ATRX: variants seen among roughly 807,000 people sequenced by gnomAD.
The protein encoded by ATRX is chromatin remodeler ATRX.
In ATRX, 12 loss-of-function variants were observed where a neutral mutation model predicts 172.6. The observed-to-expected ratio is 0.07, with a 90% CI of 0.04 to 0.11. ATRX has a LOEUF of 0.11. ATRX is among the 10% of genes least tolerant of loss of function. The pLI is 1.00. For missense variants in ATRX, 1,368 were observed against 1,767.4 expected, an observed-to-expected ratio of 0.77 and a Z score of 4.05; for synonymous variants, 674 against 594.7, an observed-to-expected ratio of 1.13 and a Z score of -1.94.
At chrX:77,688,739 A>C in intron 7 of ATRX, 79 bp downstream of exon 7, 3 of 819,856 alleles carry the variant, frequency 3.7e-6, no homozygotes, top group Non-Finnish European at 5.5e-6. Context: ...TCTTTCTTCA[A>C]GACTGTGCCC....
At chrX:77,671,611 C>T (rs1423634527) in intron 10 of ATRX, among the ~76,000 whole-genome samples, 1 of 109,624 alleles carries the variant, frequency 9.1e-6, no homozygotes, top group African/African-American at 3.3e-5. Flanking sequence ...ATAACTAGTT[C>T]AATATTTTTA....
intron 9 of ATRX, 101 bp downstream of exon 9, chrX:77,681,416 TAAG>T (rs2071183375): frequency 1.2e-6 from 1 of 848,002 alleles, no homozygotes; most frequent in African/African-American, 2.0e-5. Context: ...GGTATTCTCC[TAAG>T]TAGTAACCCT....
chrX:77,519,214 A>ACCC (rs2063148601), intron 34 of ATRX, among the ~76,000 whole-genome samples: 1 of 111,827 alleles, frequency 8.9e-6, no homozygotes, highest in Non-Finnish European at 1.9e-5. Context: ...CGAAGAGACA[A>ACCC]CCCACAGAAT....
intron 18 of ATRX, 64 bp downstream of exon 18, chrX:77,633,502 A>C: frequency 1.8e-6 from 2 of 1,124,666 alleles, no homozygotes; most frequent in Non-Finnish European, 1.2e-6. Context: ...AAAAATTAAA[A>C]ATAGTTTACT....
chrX:77,562,123 T>C (rs1557062341), intron 28 of ATRX, among the ~76,000 whole-genome samples: 1 of 112,113 alleles, frequency 8.9e-6, no homozygotes, highest in African/African-American at 3.2e-5. Context: ...TAGCATGAGA[T>C]CCATATAAGT....
At chrX:77,652,827 C>T (rs1488690069) in intron 14 of ATRX, among the ~76,000 whole-genome samples, 1 of 106,069 alleles carries the variant, frequency 9.4e-6, no homozygotes, top group Non-Finnish European at 1.9e-5. Flanking sequence ...AACAACTCTT[C>T]AACACCTATT....
chrX:77,514,031 C>T (rs1557037961), intron 34 of ATRX, among the ~76,000 whole-genome samples: 2 of 111,012 alleles, frequency 1.8e-5, no homozygotes, highest in Non-Finnish European at 3.8e-5. Context: ...GAATAAAATA[C>T]CTAGGAATAC....
intron 27 of ATRX, among the ~76,000 whole-genome samples, chrX:77,575,082 TCATA>T (rs1557069653): frequency 9.0e-6 from 1 of 110,897 alleles, no homozygotes; most frequent in Admixed American, 9.7e-5. Context: ...TTATATTTTA[TCATA>T]CATAATTTCT....
rs587778082 is a variant in ATRX at position 77,698,574 on chromosome X, C to T, written c.189G>A (p.Glu63=). Residue 63 remains glutamate (E), a splice_region_variant and synonymous_variant, in exon 3 of 35, where the codon GAG becomes GAA. Transcript: ENST00000373344. ...NSDMMENSKE[E]GTSSSEKSKS... is the part of the protein sequence containing the mutation. ...AATATCTCTAAATAATTATCCTTAC[C>T]TCTTCCTTGCTGTTTTCCATCATAT... 131 of 1,200,708 alleles carry T rather than the reference C, an allele frequency of 1.1e-4. No homozygotes were observed. The highest frequency in any genetic ancestry group is 1.4e-4 in the Non-Finnish European group (125 of 887,110).
At chrX:77,605,252 C>A (rs1448790235) in intron 22 of ATRX, among the ~76,000 whole-genome samples, 1 of 111,074 alleles carries the variant, frequency 9.0e-6, no homozygotes. Context: ...CATGGCGAAA[C>A]CCTGTCTCTA....
At chrX:77,645,915 GA>G (rs1265699816) in intron 15 of ATRX, among the ~76,000 whole-genome samples, 7 of 111,219 alleles carry the variant, frequency 6.3e-5, no homozygotes, top group African/African-American at 2.0e-4. Flanking sequence ...ATAACTTTAG[GA>G]TGTTATATGT....
At chrX:77,621,172 C>A (rs1467055254) in intron 19 of ATRX, among the ~76,000 whole-genome samples, 1 of 111,246 alleles carries the variant, frequency 9.0e-6, no homozygotes, top group East Asian at 2.8e-4. Context: ...TTTGGGATTG[C>A]AATATAAAAA....
intron 1 of ATRX, among the ~76,000 whole-genome samples, chrX:77,745,966 C>T (rs1398009530): frequency 1.8e-5 from 2 of 111,372 alleles, no homozygotes; most frequent in African/African-American, 6.5e-5. Flanking sequence ...CATCCAGCCC[C>T]AGTTAGAATG....
At chrX:77,712,816 G>C (rs1411889464) in intron 2 of ATRX, among the ~76,000 whole-genome samples, 2 of 108,476 alleles carry the variant, frequency 1.8e-5, no homozygotes, top group Non-Finnish European at 3.8e-5. Context: ...GTGACACAGC[G>C]AGACTCCATC....
chrX:77,725,969 A>C (rs1177990672), intron 1 of ATRX, among the ~76,000 whole-genome samples: 1 of 111,849 alleles, frequency 8.9e-6, no homozygotes, highest in African/African-American at 3.3e-5. Flanking sequence ...AAAGTCAGGA[A>C]ACAACACATG....
At chrX:77,543,989 G>C (rs782560171) in intron 30 of ATRX, among the ~76,000 whole-genome samples, 3 of 108,847 alleles carry the variant, frequency 2.8e-5, no homozygotes, top group Non-Finnish European at 3.8e-5. Flanking sequence ...ACACAAGCAG[G>C]GTAATCAAAA....
chrX:77,622,532 A>T (rs1557100646), intron 19 of ATRX, among the ~76,000 whole-genome samples: 1 of 111,448 alleles, frequency 9.0e-6, no homozygotes, highest in African/African-American at 3.3e-5. Context: ...ATCCATCAGG[A>T]GGATGGCCAT....
intron 30 of ATRX, among the ~76,000 whole-genome samples, chrX:77,534,623 T>G (rs1230378516): frequency 8.9e-6 from 1 of 111,818 alleles, no homozygotes; most frequent in Non-Finnish European, 1.9e-5. Flanking sequence ...ACCTTTACTT[T>G]TCTTTGTCTA....
chrX:77,545,880 C>T (rs2064220852), intron 30 of ATRX, among the ~76,000 whole-genome samples: 1 of 111,203 alleles, frequency 9.0e-6, no homozygotes, highest in Non-Finnish European at 1.9e-5. Context: ...AACCACTCTG[C>T]TACACTGACT....
Sources: gnomAD v4.1 joint callset for allele counts (sites outside exome capture counted in the v4.1 genomes callset) on GRCh38, gnomAD v4.1.1 for gene constraint, MANE v1.5 for transcripts, NCBI Gene and HGNC (gene_info 2026-07-23, HGNC 2026-07-21) for gene names.